The following TTI2 variants were observed in gnomAD, a reference collection of about 807,000 sequenced individuals.
TTI2 encodes the protein TELO2 interacting protein 2.
Under a neutral mutation model 44.9 loss-of-function variants are expected in TTI2, and 26 were observed. The ratio of observed to expected loss-of-function variants is 0.58; its 90% CI spans 0.42 to 0.80. The LOEUF (loss-of-function observed/expected upper bound fraction) is 0.80. Among genes scored for constraint, TTI2 ranks in the 30% least tolerant of loss-of-function variants. The pLI is 0.00. For missense variants in TTI2, 582 were observed against 611.6 expected, an observed-to-expected ratio of 0.95 and a Z score of 0.51; for synonymous variants, 254 against 250.9, an observed-to-expected ratio of 1.01 and a Z score of -0.12.
In TTI2 at chr8:33,500,803, A is replaced by G. The variant is rs193233340; in HGVS notation, c.1260-313T>C. The G allele has an allele frequency of 5.3e-3, 1,588 of 297,894 alleles. 10 individuals carry two copies. Among genetic ancestry groups the G allele is most frequent in the Admixed American group, 7.0e-3 (148 of 21,146 alleles). 18.5% of individuals were successfully genotyped at this position (297,894 alleles called of 1,614,324 possible). A position where few individuals can be genotyped will look rare whatever the true frequency, so the allele number is the denominator to read the frequency against. On this transcript the variant is annotated intron_variant, in intron 6 of 7. Coordinates refer to ENST00000431156, the MANE Select transcript of TTI2 (RefSeq NM_001102401.4). ...AGAAGGGGAAACCAGGATCTCCCCA[A>G]CCAAGGGCCTATACTTTTATTTTTC...
intron 3 of TTI2, among the ~76,000 whole-genome samples, chr8:33,508,767 T>C (rs1395531686): frequency 6.6e-6 from 1 of 152,006 alleles, no homozygotes; most frequent in African/African-American, 2.4e-5. Context: ...TTTTAAAAAA[T>C]TTTTCCTTGA....
At position 33,512,526 on chromosome 8, in the gene TTI2, A is replaced by T. The variant is rs1563356899; in HGVS notation, c.88T>A (p.Phe30Ile). 6.2e-7 allele frequency: 1 copy of T among 1,614,146 alleles called. No homozygotes were observed. The highest frequency in any genetic ancestry group is 8.5e-7 in the Non-Finnish European group (1 of 1,180,038). ...ELSHSAFGQA[F>I]SKILHCLARP... ...GCAAGACAGTGTAAAATCTTGGAGA[A>T]GGCCTGTCCAAAGGCGGAGTGAGAC... Residue 30 changes from phenylalanine (F) to isoleucine (I), a missense_variant, in exon 2 of 8, where the codon TTC becomes ATC. Phe to Ile is a conservative substitution (Grantham distance 21). Transcript: ENST00000431156.
intron 4 of TTI2, among the ~76,000 whole-genome samples, chr8:33,504,400 G>T (rs539238952): frequency 1.4e-5 from 2 of 142,232 alleles, no homozygotes; most frequent in Non-Finnish European, 3.0e-5. Flanking sequence ...AGGCTCAAGC[G>T]ATTCTCGTGC....
intron 3 of TTI2, among the ~76,000 whole-genome samples, chr8:33,508,879 T>A (rs1016675492): frequency 6.6e-6 from 1 of 151,940 alleles, no homozygotes; most frequent in Non-Finnish European, 1.5e-5. Flanking sequence ...GGGTGGCTCA[T>A]CTCTATAATC....
At chr8:33,505,895 C>T (rs1809276301) in intron 4 of TTI2, among the ~76,000 whole-genome samples, 1 of 152,148 alleles carries the variant, frequency 6.6e-6, no homozygotes, top group Admixed American at 6.5e-5. Context: ...CCTCGTGATC[C>T]GCCCACCTCA....
At chr8:33,511,447 TCTCAGTTATGACCTCCAATTTG>T (rs1461567690) in intron 2 of TTI2, among the ~76,000 whole-genome samples, 1 of 151,964 alleles carries the variant, frequency 6.6e-6, no homozygotes, top group Non-Finnish European at 1.5e-5. Flanking sequence ...AGCCCGAACA[TCTCAGTTATGACCTCCAATTTG>T]CCACTATCCA....
In TTI2 at chr8:33,503,770, T is replaced by G; in HGVS notation, c.1093A>C (p.Asn365His). The change falls in exon 5 of 8, where the codon AAC becomes CAC. Residue 365 changes from asparagine to histidine, a missense_variant. By Grantham distance (68) the Asn-to-His change is moderately conservative (BLOSUM62 1). Coordinates refer to ENST00000431156, the MANE Select transcript of TTI2 (RefSeq NM_001102401.4). ...CACCTGTTCACGAAAGCCGGCAGGT[T>G]TCTTGCGTAGGTCCTGCGTAAAAGA... ...RLLLRRTYAR[N>H]LPAFVNRLGI... 9.3e-6 allele frequency: 15 copies of G among 1,613,890 alleles called. No homozygotes were observed. The highest frequency in any genetic ancestry group is 1.2e-5 in the Non-Finnish European group (14 of 1,179,994).
At position 33,512,452 on chromosome 8, in the gene TTI2, G is replaced by A. The variant is rs1184124173; in HGVS notation, c.162C>T (p.Asp54=). 1 of 1,614,090 alleles carries A rather than the reference G, an allele frequency of 6.2e-7. No homozygotes were observed. The highest frequency in any genetic ancestry group is 8.5e-7 in the Non-Finnish European group (1 of 1,179,962). Residue 54 remains aspartate (D), a synonymous_variant, in exon 2 of 8, where the codon GAC becomes GAT. Coordinates refer to ENST00000431156, the MANE Select transcript of TTI2 (RefSeq NM_001102401.4). ...CTGTGGCTTCTATTAGATCACCGAG[G>A]TCTTTAAGAACTGCATCTTTTACAT... is the stretch of plus-strand genomic sequence containing the variant. ...RGNVKDAVLK[D]LGDLIEATEF...
intron 1 of TTI2, 179 bp downstream of exon 1, chr8:33,512,903 A>C: frequency 3.1e-5 from 8 of 260,166 alleles, no homozygotes; most frequent in Admixed American, 4.9e-5. Context: ...AAAAAGAATA[A>C]AGAGGAAAGG....
chr8:33,505,715 G>GC (rs1391671751), intron 4 of TTI2, among the ~76,000 whole-genome samples: 1 of 151,446 alleles, frequency 6.6e-6, no homozygotes, highest in Non-Finnish European at 1.5e-5. Flanking sequence ...GTGCAGTGGC[G>GC]CGATCTTGGC....
chr8:33,502,848 GGC>G (rs1400566450), intron 6 of TTI2, among the ~76,000 whole-genome samples: 1 of 32,558 alleles, frequency 3.1e-5, no homozygotes, highest in African/African-American at 8.9e-5. Context: ...AAAAACAAAA[GGC>G]TGGGCATGGT....
chr8:33,506,181 T>G (rs2128828969), intron 4 of TTI2, among the ~76,000 whole-genome samples: 1 of 152,334 alleles, frequency 6.6e-6, no homozygotes, highest in Non-Finnish European at 1.5e-5. Flanking sequence ...TTTACATAAA[T>G]GTCTTTTCCA....
rs147332712 is a variant in TTI2 at position 33,510,083 on chromosome 8, A to G, written c.648-151T>C. ...AAGATAACTCTTGATTCTATATCATACATTCTAAGATCTGGATTAAAATAA... is the reference window on the plus strand; with the variant it reads ...AAGATAACTCTTGATTCTATATCATGCATTCTAAGATCTGGATTAAAATAA... On this transcript the variant is annotated intron_variant, in intron 2 of 7. Coordinates refer to ENST00000431156, the MANE Select transcript of TTI2 (RefSeq NM_001102401.4). 2.6e-5 allele frequency: 18 copies of G among 690,056 alleles called. No individual in the cohort carries two copies. In the East Asian group the frequency reaches 4.9e-4, roughly 19 times the overall value. The allele number at this position is 690,056 out of a possible 1,614,324, so 42.7% of individuals were successfully genotyped here. A position where few individuals can be genotyped will look rare whatever the true frequency, so the allele number is the denominator to read the frequency against.
chr8:33,505,012 C>A, intron 4 of TTI2, among the ~76,000 whole-genome samples: 1 of 152,148 alleles, frequency 6.6e-6, no homozygotes, highest in East Asian at 1.9e-4. Context: ...CACTTGAGGT[C>A]AGGAGTTTGA....
At position 33,503,553 on chromosome 8, in the gene TTI2, G is replaced by C. The variant is rs140977711; in HGVS notation, c.1135C>G (p.Arg379Gly). Residue 379 changes from arginine to glycine, a missense_variant, in exon 6 of 8, where the codon CGG becomes GGG. Arg to Gly is a moderately radical substitution (Grantham distance 125). Coordinates refer to ENST00000431156, the MANE Select transcript of TTI2 (RefSeq NM_001102401.4). The stretch of plus-strand genomic sequence containing the variant: ...ACTCTCTCCAGCCTCTTTAAGTGCC[G>C]GACAGTTAGGATCCCCAACCTAAAG... ...FVNRLGILTV[R>G]HLKRLERVII... 1 of 1,613,946 alleles carries C rather than the reference G, an allele frequency of 6.2e-7. No homozygotes were observed. The highest frequency in any genetic ancestry group is 8.5e-7 in the Non-Finnish European group (1 of 1,180,014).
chr8:33,509,979 C>CAAAA (rs10588315), intron 2 of TTI2, 47 bp from the exon 3 acceptor site: 896 of 417,876 alleles, frequency 2.1e-3, no homozygotes, highest in South Asian at 5.0e-3. Context: ...TGATAAGTAG[C>CAAAA]AAAAAAAAAA....
In TTI2 at chr8:33,500,325, T is replaced by C; in HGVS notation, c.1422+3A>G. Reference sequence around the variant, plus strand: ...ACTGAAACCAAGTTTCAGTCTGCCTTACCTTTACCCGTCCTTGAGAACAGC... The same window carrying C: ...ACTGAAACCAAGTTTCAGTCTGCCTCACCTTTACCCGTCCTTGAGAACAGC... On this transcript the variant is annotated splice_donor_region_variant and intron_variant, in intron 7 of 7. Transcript: ENST00000431156. 1 of 1,614,108 alleles carries C rather than the reference T, an allele frequency of 6.2e-7. No homozygotes were observed. Among genetic ancestry groups the C allele is most frequent in the Non-Finnish European group, 8.5e-7 (1 of 1,179,986 alleles).
Position 33,507,256 on chromosome 8 carries a change from C to T in TTI2, c.900G>A (p.Leu300=). 6.2e-7 allele frequency: 1 copy of T among 1,614,132 alleles called. No individual in the cohort carries two copies. The highest frequency in any genetic ancestry group is 8.5e-7 in the Non-Finnish European group (1 of 1,180,000). ...GAATGAGGTGGTGCTCTGGTGTGTA[C>T]AGGTGGTTGGAAATGGCATGGTATA... ...QVLYHAISNH[L]YTPEHHLIQA... Residue 300 remains leucine, a synonymous_variant, in exon 4 of 8, where the codon CTG becomes CTA. Transcript: ENST00000431156.
At chr8:33,508,663 T>C (rs1338790013) in intron 3 of TTI2, among the ~76,000 whole-genome samples, 2 of 138,032 alleles carry the variant, frequency 1.4e-5, no homozygotes, top group East Asian at 4.3e-4. Flanking sequence ...GGGTTGGAGG[T>C]GATCTCTGGC....
Sources: allele counts gnomAD v4.1 joint callset (sites outside exome capture counted in the v4.1 genomes callset), GRCh38; gene constraint gnomAD v4.1.1; transcripts MANE v1.5; gene names NCBI Gene and HGNC (gene_info 2026-07-23, HGNC 2026-07-21).